Variants in ADAMTS2 observed in about 807,000 individuals in gnomAD.
ADAMTS2 encodes ADAM metallopeptidase with thrombospondin type 1 motif 2.
Under a neutral mutation model 123.0 loss-of-function variants are expected in ADAMTS2, and 50 were observed. The observed-to-expected ratio is 0.41, with a 90% CI of 0.32 to 0.51. ADAMTS2 has a LOEUF of 0.51. Ranked by LOEUF, ADAMTS2 falls within the 20% of genes least tolerant of loss-of-function variation. The pLI is 0.35. For synonymous variants in ADAMTS2, 678 were observed against 695.4 expected, an observed-to-expected ratio of 0.98 and a Z score of 0.39; for missense variants, 1,494 against 1,705.2, an observed-to-expected ratio of 0.88 and a Z score of 2.18.
In ADAMTS2 at chr5:179,260,039, T is replaced by C. The variant is rs561547831; in HGVS notation, c.688+12872A>G. Among the ~76,000 whole-genome samples, 1 of 152,342 alleles carries C rather than the reference T, an allele frequency of 6.6e-6. No homozygotes were observed. Among genetic ancestry groups the C allele is most frequent in the East Asian group, 1.9e-4 (1 of 5,170 alleles). Reference sequence around the variant, plus strand: ...GAGTGTTAAAGTGGGCATAGGGCCCTGCCGGATGGGTCACAAGCCGGCGAA... The same window carrying C: ...GAGTGTTAAAGTGGGCATAGGGCCCCGCCGGATGGGTCACAAGCCGGCGAA... On this transcript the variant is annotated intron_variant, in intron 3 of 21. Coordinates refer to ENST00000251582, the MANE Select transcript of ADAMTS2 (RefSeq NM_014244.5). The surrounding 1 kb of genome is among the most constrained non-coding windows in gnomAD (Gnocchi z 4.2).
rs1284972336 is a variant in ADAMTS2, at chr5:179,129,858, C to T, written c.2457+74G>A. On this transcript the variant is annotated intron_variant, in intron 16 of 21. Coordinates refer to ENST00000251582, the MANE Select transcript of ADAMTS2 (RefSeq NM_014244.5). This position sits in a 1 kb window ranked among gnomAD's most constrained non-coding sequence, Gnocchi z 4.1. ...TCACCTGAAGGGTCAGGAGGCTCAG[C>T]GTCCCAGGCACCCCCATCCCTCCCC... The T allele has an allele frequency of 1.3e-5, 20 of 1,588,090 alleles. No homozygotes were observed. In the Admixed American group the frequency reaches 2.0e-4, roughly 16 times the overall value.
Position 179,128,702 on chromosome 5 carries a change from G to A in ADAMTS2, c.2458-584C>T, listed in dbSNP as rs1284267620. Among the ~76,000 whole-genome samples the A allele has an allele frequency of 6.6e-6, 1 of 152,168 alleles. No individual in the cohort carries two copies. Among genetic ancestry groups the A allele is most frequent in the Non-Finnish European group, 1.5e-5 (1 of 68,034 alleles). Reference sequence around the variant, plus strand: ...GCCACTGCGCCTGGCCTATGTGTGAGTCTGTTTAAAGACACTTTATTTAAT... The same window carrying A: ...GCCACTGCGCCTGGCCTATGTGTGAATCTGTTTAAAGACACTTTATTTAAT... On this transcript the variant is annotated intron_variant, in intron 16 of 21. Coordinates refer to ENST00000251582, the MANE Select transcript of ADAMTS2 (RefSeq NM_014244.5). This position sits in a 1 kb window ranked among gnomAD's most constrained non-coding sequence, Gnocchi z 4.9.
chr5:179,168,303 G>T (rs1763746984), intron 5 of ADAMTS2, among the ~76,000 whole-genome samples: 1 of 152,178 alleles, frequency 6.6e-6, no homozygotes, highest in South Asian at 2.1e-4. Context: ...TCTTGGTTGG[G>T]AGCAACTGAC....
intron 19 of ADAMTS2, among the ~76,000 whole-genome samples, chr5:179,123,863 A>C (rs1346460709): frequency 6.6e-6 from 1 of 152,194 alleles, no homozygotes; most frequent in Non-Finnish European, 1.5e-5. Context: ...AGTTCATACC[A>C]ACAGTGATGG....
rs959977379 is a variant in ADAMTS2 at position 179,180,886 on chromosome 5, C to G, written c.975+186G>C. On this transcript the variant is annotated intron_variant, in intron 5 of 21. Coordinates refer to ENST00000251582, the MANE Select transcript of ADAMTS2 (RefSeq NM_014244.5). This position sits in a 1 kb window ranked among gnomAD's most constrained non-coding sequence, Gnocchi z 4.6. The stretch of plus-strand genomic sequence containing the variant: ...TCTTTTCAGTGAACAATAGTAATGG[C>G]CACATTTTAAAACAAGGGGTGAAAG... Among the ~76,000 whole-genome samples, 2 of 152,124 alleles carry G rather than the reference C, an allele frequency of 1.3e-5. No individual in the cohort carries two copies. The highest frequency in any genetic ancestry group is 2.4e-5 in the African/African-American group (1 of 41,408).
Position 179,178,358 on chromosome 5 carries a change from CT to C in ADAMTS2, c.975+2713del, listed in dbSNP as rs1763976100. ...CTGCATCTGTGTGGTCCAAAGCCCCCTGCCACAAACCTGGGATAGAGGGCTC... is the reference window on the plus strand; with the variant it reads ...CTGCATCTGTGTGGTCCAAAGCCCCCGCCACAAACCTGGGATAGAGGGCTC... On this transcript the variant is annotated intron_variant, in intron 5 of 21. Transcript: ENST00000251582. 1.2e-4 allele frequency among the ~76,000 whole-genome samples: 19 copies of C among 152,150 alleles called. 1 individual carries two copies. Among genetic ancestry groups the C allele is most frequent in the Admixed American group, 1.2e-3 (19 of 15,280 alleles).
At position 179,194,567 on chromosome 5, in the gene ADAMTS2, T is replaced by C. The variant is rs114588122; in HGVS notation, c.891+12946A>G. Among the ~76,000 whole-genome samples, 1,218 of 152,098 alleles carry C rather than the reference T, an allele frequency of 8.0e-3. 13 individuals are homozygous for C. Among genetic ancestry groups the C allele is most frequent in the African/African-American group, 0.027 (1,133 of 41,470 alleles). ...GTGGGGAGGTCAGTGAGGCCTGAGA[T>C]GAGAACCCGCGGAGCATGCTAGGGG... On this transcript the variant is annotated intron_variant, in intron 4 of 21. Coordinates refer to ENST00000251582, the MANE Select transcript of ADAMTS2 (RefSeq NM_014244.5).
rs1762633837 is a variant in ADAMTS2, at chr5:179,115,005, C to G, written c.3179-681G>C. On this transcript the variant is annotated intron_variant, in intron 21 of 21. Transcript: ENST00000251582. The surrounding 1 kb of genome is among the most constrained non-coding windows in gnomAD (Gnocchi z 4.4). ...AACAACCTCATTTCCAGCCTCTGCTCCATCCCCCTATAGCACCGCCACCTT... is the reference window on the plus strand; with the variant it reads ...AACAACCTCATTTCCAGCCTCTGCTGCATCCCCCTATAGCACCGCCACCTT... Among the ~76,000 whole-genome samples, 1 of 152,220 alleles carries G rather than the reference C, an allele frequency of 6.6e-6. No individual in the cohort carries two copies. The highest frequency in any genetic ancestry group is 1.5e-5 in the Non-Finnish European group (1 of 68,042).
At chr5:179,254,844 CT>C (rs1209439103) in intron 3 of ADAMTS2, among the ~76,000 whole-genome samples, 7 of 152,242 alleles carry the variant, frequency 4.6e-5, no homozygotes, top group Non-Finnish European at 8.8e-5. Flanking sequence ...GGGAGTCTGC[CT>C]TTTCCCCCAG....
In ADAMTS2 at chr5:179,217,768, T is replaced by C. The variant is rs1400749394; in HGVS notation, c.689-10053A>G. 4.5e-3 allele frequency among the ~76,000 whole-genome samples: 297 copies of C among 65,322 alleles called. 7 individuals are homozygous for C. The highest frequency in any genetic ancestry group is 0.015 in the African/African-American group (281 of 18,274). 42.9% of individuals were successfully genotyped at this position (65,322 alleles called of 152,430 possible). A position where few individuals can be genotyped will look rare whatever the true frequency, so the allele number is the denominator to read the frequency against. Reference sequence around the variant, plus strand: ...TGCTAGGGGATGGTGTGAGGGGGGATGGGCACACTCACTAGGGGATGGCGC... The same window carrying C: ...TGCTAGGGGATGGTGTGAGGGGGGACGGGCACACTCACTAGGGGATGGCGC... On this transcript the variant is annotated intron_variant, in intron 3 of 21. Transcript: ENST00000251582.
intron 8 of ADAMTS2, 126 bp from the exon 9 acceptor site, chr5:179,153,749 G>T: frequency 7.3e-7 from 1 of 1,378,792 alleles, no homozygotes. Context: ...GCCCCTGGCT[G>T]TGCTGCCTCA....
intron 5 of ADAMTS2, among the ~76,000 whole-genome samples, chr5:179,173,592 G>A (rs1408582272): frequency 6.6e-6 from 1 of 152,204 alleles, no homozygotes; most frequent in Non-Finnish European, 1.5e-5. Flanking sequence ...TTGTTCACAT[G>A]AGAGATAATG....
chr5:179,157,266 A>G (rs1763491424), intron 6 of ADAMTS2, among the ~76,000 whole-genome samples: 1 of 152,132 alleles, frequency 6.6e-6, no homozygotes. Context: ...ACATTTTTAA[A>G]TGAGGGATCA....
At chr5:179,114,978 C>T (rs987437998) in intron 21 of ADAMTS2, among the ~76,000 whole-genome samples, 3 of 152,156 alleles carry the variant, frequency 2.0e-5, no homozygotes, top group Non-Finnish European at 4.4e-5. Flanking sequence ...CTCAACTTAC[C>T]CAACAACCTC....
intron 5 of ADAMTS2, among the ~76,000 whole-genome samples, chr5:179,176,136 G>A (rs1763925205): frequency 6.6e-6 from 1 of 152,194 alleles, no homozygotes; most frequent in African/African-American, 2.4e-5. Flanking sequence ...CACTTTTAGG[G>A]AAATGTGCTT....
In ADAMTS2 at chr5:179,343,910, C is replaced by A; in HGVS notation, c.391G>T (p.Val131Leu). The A allele has an allele frequency of 1.2e-6, 2 of 1,606,030 alleles. No individual in the cohort carries two copies. The highest frequency in any genetic ancestry group is 1.7e-6 in the Non-Finnish European group (2 of 1,177,478). The change falls in exon 2 of 22, where the codon GTG becomes TTG. Residue 131 changes from valine (V) to leucine (L), a missense_variant. By Grantham distance (32) the Val-to-Leu change is conservative. Transcript: ENST00000251582. The stretch of plus-strand genomic sequence containing the variant: ...CACTCCATAGTGGCCCCGGGCGCCA[C>A]GAGGCGGGCGTTGGGCCGCAGCCGC... ...HLRLRPNARL[V>L]APGATMEWQG...
intron 5 of ADAMTS2, among the ~76,000 whole-genome samples, chr5:179,168,794 G>A (rs1054837901): frequency 7.9e-5 from 12 of 152,134 alleles, no homozygotes; most frequent in Non-Finnish European, 2.9e-5. Flanking sequence ...AGTGCAAAGT[G>A]GGCTCCCCCA....
intron 3 of ADAMTS2, among the ~76,000 whole-genome samples, chr5:179,220,457 G>A (rs1353725722): frequency 1.3e-5 from 2 of 152,150 alleles, no homozygotes; most frequent in Non-Finnish European, 2.9e-5. Context: ...GAAGGCCTCA[G>A]GTACCTCACA....
rs558389792 is a variant in ADAMTS2 at position 179,298,111 on chromosome 5, G to A, written c.535-25047C>T. Among the ~76,000 whole-genome samples the A allele has an allele frequency of 2.6e-5, 4 of 152,260 alleles. No homozygotes were observed. The South Asian group carries it at 8.3e-4, about 32-fold the overall frequency. On this transcript the variant is annotated intron_variant, in intron 2 of 21. Coordinates refer to ENST00000251582, the MANE Select transcript of ADAMTS2 (RefSeq NM_014244.5). ...GGTCCCCTCGTGCCACAGTGACCCT[G>A]CAACGCAGATTCCGTGCTCCCTTCA...
Sources: allele counts gnomAD v4.1 joint callset (sites outside exome capture counted in the v4.1 genomes callset), GRCh38; gene constraint gnomAD v4.1.1; non-coding constraint Gnocchi (gnomAD v3.1); transcripts MANE v1.5; gene names NCBI Gene and HGNC (gene_info 2026-07-23, HGNC 2026-07-21).